SLC7A7: variants seen among roughly 807,000 people sequenced by gnomAD.
SLC7A7 encodes solute carrier family 7 member 7.
Under a neutral mutation model 47.9 loss-of-function variants are expected in SLC7A7, and 39 were observed. That is an observed-to-expected ratio of 0.81 (90% CI 0.63 to 1.06). The LOEUF (loss-of-function observed/expected upper bound fraction) is 1.06. SLC7A7 is among the 50% of genes least tolerant of loss of function. The probability of loss-of-function intolerance (pLI) is 0.00; values close to 1 mark genes in which losing one functional copy is unlikely to be tolerated. For synonymous variants in SLC7A7, 234 were observed against 242.8 expected, an observed-to-expected ratio of 0.96 and a Z score of 0.34; for missense variants, 588 against 632.0, an observed-to-expected ratio of 0.93 and a Z score of 0.75.
chr14:22,807,570 A>G (rs1232875093), intron 2 of SLC7A7, among the ~76,000 whole-genome samples: 1 of 152,048 alleles, frequency 6.6e-6, no homozygotes, highest in Non-Finnish European at 1.5e-5. Context: ...CCCATCTCTA[A>G]AAATATAAAA....
chr14:22,803,422 A>T (rs61592146), intron 2 of SLC7A7, among the ~76,000 whole-genome samples: 25,724 of 152,192 alleles, frequency 0.17, 2,292 homozygotes, highest in African/African-American at 0.2. Context: ...CATCTCAAAA[A>T]AAAAGAAAAA....
chr14:22,791,651 A>C (rs2139419639), intron 2 of SLC7A7, among the ~76,000 whole-genome samples: 1 of 152,136 alleles, frequency 6.6e-6, no homozygotes, highest in South Asian at 2.1e-4. Context: ...CAGGCCTGCT[A>C]ATACCCTGGT....
intron 2 of SLC7A7, among the ~76,000 whole-genome samples, chr14:22,805,564 G>A (rs1010676270): frequency 6.6e-6 from 1 of 152,148 alleles, no homozygotes; most frequent in Non-Finnish European, 1.5e-5. Context: ...GCTGAACGGT[G>A]AGAACACATA....
upstream of SLC7A7, chr14:22,816,381 C>A (rs2039407699): frequency 6.6e-6 from 1 of 152,096 alleles, no homozygotes; most frequent in South Asian, 2.1e-4. Flanking sequence ...ACCTGTAGTC[C>A]CAGCTATTCG....
intron 9 of SLC7A7, 74 bp downstream of exon 9, chr14:22,773,859 G>A: frequency 6.3e-7 from 1 of 1,593,478 alleles, no homozygotes; most frequent in Non-Finnish European, 8.6e-7. Flanking sequence ...GATGTCTTTG[G>A]AGGCTGGATT....
intron 2 of SLC7A7, among the ~76,000 whole-genome samples, chr14:22,800,108 G>A (rs1345454653): frequency 6.6e-6 from 1 of 152,104 alleles, no homozygotes; most frequent in African/African-American, 2.4e-5. Flanking sequence ...TTTCTCACTA[G>A]GATCATAGCA....
At chr14:22,779,411 A>T (rs1022337746) in intron 3 of SLC7A7, among the ~76,000 whole-genome samples, 42 of 150,354 alleles carry the variant, frequency 2.8e-4, no homozygotes, top group Non-Finnish European at 3.0e-5. Flanking sequence ...ACAAATTTCA[A>T]CTCCTCTACT....
chr14:22,779,486 G>A (rs1416398809), intron 3 of SLC7A7, among the ~76,000 whole-genome samples: 7 of 150,966 alleles, frequency 4.6e-5, no homozygotes, highest in South Asian at 2.1e-4. Flanking sequence ...ACAGAGTCTC[G>A]CTCTGTCGCC....
intron 2 of SLC7A7, among the ~76,000 whole-genome samples, chr14:22,804,840 T>C (rs1045451032): frequency 6.6e-6 from 1 of 150,888 alleles, no homozygotes; most frequent in Non-Finnish European, 1.5e-5. Flanking sequence ...CAATACAAAA[T>C]TAGCCAAATA....
At position 22,813,183 on chromosome 14, in the gene SLC7A7, A is replaced by G; in HGVS notation, c.216T>C (p.Ser72=). 3 of 1,614,214 alleles carry G rather than the reference A, an allele frequency of 1.9e-6. No homozygotes were observed. Among genetic ancestry groups the G allele is most frequent in the Non-Finnish European group, 2.5e-6 (3 of 1,180,028 alleles). ...VLIYSASFGL[S]LVIWAVGGLF... is the part of the protein sequence containing the mutation. ...GGCCCCCGACAGCCCAGATGACCAG[A>G]GAGAGACCAAAGGAGGCACTGTATA... is the stretch of plus-strand genomic sequence containing the variant. Residue 72 remains serine, a synonymous_variant, in exon 2 of 10, where the codon TCT becomes TCC. Coordinates refer to ENST00000674313, the MANE Select transcript of SLC7A7 (RefSeq NM_003982.4).
upstream of SLC7A7, chr14:22,815,985 G>A (rs1770307970): frequency 3.8e-6 from 1 of 262,576 alleles, no homozygotes. Flanking sequence ...GAGAGACTGG[G>A]GGGTTGCCTC....
At chr14:22,804,956 G>A (rs952404842) in intron 2 of SLC7A7, among the ~76,000 whole-genome samples, 7 of 152,148 alleles carry the variant, frequency 4.6e-5, no homozygotes, top group Admixed American at 1.3e-4. Flanking sequence ...GCATTGAGCC[G>A]AGATTGTGCC....
chr14:22,774,463 A>C lies in SLC7A7; in HGVS notation c.1136T>G (p.Phe379Cys), dbSNP rs1160393188. ...ALIYLCVEDIFQLINYYSFSY... is the reference protein window; with the variant it reads ...ALIYLCVEDICQLINYYSFSY... ...GAAGCTGTAGTAGTTAATGAGCTGG[A>C]AGATGTCTTCCACGCACAAGTAGAT... is the stretch of plus-strand genomic sequence containing the variant. Residue 379 changes from phenylalanine to cysteine, a missense_variant, in exon 8 of 10, where the codon TTC becomes TGC. By Grantham distance (205) the Phe-to-Cys change is radical. Transcript: ENST00000674313. The C allele has an allele frequency of 6.2e-7, 1 of 1,614,154 alleles. No individual in the cohort carries two copies. The highest frequency in any genetic ancestry group is 8.5e-7 in the Non-Finnish European group (1 of 1,180,034).
intron 2 of SLC7A7, among the ~76,000 whole-genome samples, chr14:22,782,195 C>A (rs9671631): frequency 0.38 from 58,112 of 151,912 alleles, 12,224 homozygotes; most frequent in Non-Finnish European, 0.48. Context: ...ATCTGCCTCC[C>A]GGGTTCAAGC....
At chr14:22,803,654 T>A (rs2039153817) in intron 2 of SLC7A7, among the ~76,000 whole-genome samples, 1 of 152,046 alleles carries the variant, frequency 6.6e-6, no homozygotes, top group Non-Finnish European at 1.5e-5. Context: ...GCAGACAAAG[T>A]GAGGGCAAGA....
intron 2 of SLC7A7, among the ~76,000 whole-genome samples, chr14:22,793,863 A>G (rs1252358891): frequency 1.3e-5 from 2 of 152,026 alleles, no homozygotes; most frequent in East Asian, 3.9e-4. Context: ...GCTGGAAGCT[A>G]CAAGATTCTG....
intron 2 of SLC7A7, among the ~76,000 whole-genome samples, chr14:22,792,470 G>T (rs970580434): frequency 6.6e-6 from 1 of 152,048 alleles, no homozygotes; most frequent in Non-Finnish European, 1.5e-5. Flanking sequence ...GGCTGAGGTG[G>T]GAAGGTCACT....
intron 2 of SLC7A7, among the ~76,000 whole-genome samples, chr14:22,799,126 G>A (rs2039066213): frequency 6.6e-6 from 1 of 152,122 alleles, no homozygotes; most frequent in East Asian, 1.9e-4. Flanking sequence ...TTAGGAGAAA[G>A]CCCACATGAA....
intron 3 of SLC7A7, 26 bp from the exon 4 acceptor site, chr14:22,778,963 AG>A: frequency 1.2e-6 from 2 of 1,613,078 alleles, no homozygotes; most frequent in Non-Finnish European, 1.7e-6. Flanking sequence ...ATTGGAAGGC[AG>A]GGGATTAGTG....
Sources: gnomAD v4.1 joint callset for allele counts (sites outside exome capture counted in the v4.1 genomes callset) on GRCh38, gnomAD v4.1.1 for gene constraint, MANE v1.5 for transcripts, NCBI Gene and HGNC (gene_info 2026-07-23, HGNC 2026-07-21) for gene names.